The following C9orf72 variants were observed in gnomAD, a reference collection of about 807,000 sequenced individuals.
The protein encoded by C9orf72 is C9orf72-SMCR8 complex subunit, also known as guanine nucleotide exchange factor C9orf72.
A neutral mutation model predicts 51.6 loss-of-function variants in C9orf72; 44 were observed. The ratio of observed to expected loss-of-function variants is 0.85; its 90% confidence interval spans 0.67 to 1.10. C9orf72 has a LOEUF of 1.10. Ranked by LOEUF, C9orf72 falls within the 50% of genes least tolerant of loss-of-function variation. The probability of loss-of-function intolerance (pLI) is 0.00; values close to 1 mark genes in which losing one functional copy is unlikely to be tolerated. For missense variants in C9orf72, 607 were observed against 570.6 expected (o/e 1.06, Z -0.65); for synonymous variants, 213 against 194.2 (o/e 1.10, Z -0.81).
At position 27,566,711 on chromosome 9, in the gene C9orf72, T is replaced by G. The variant is rs753158467; in HGVS notation, c.410A>C (p.His137Pro). Residue 137 changes from histidine (H) to proline (P), a missense_variant, in exon 2 of 11, where the codon CAT becomes CCT. Transcript: ENST00000380003. The part of the protein sequence containing the change: ...LHRVCVDRLT[H>P]IIRKGRIWMH... ...CCATATTCTTCCTTTCCGGATTATA[T>G]GTGTTAATCTATCAACACACACTCT... 1 of 1,609,864 alleles carries G rather than the reference T, an allele frequency of 6.2e-7. No homozygotes were observed. Among genetic ancestry groups the G allele is most frequent in the Admixed American group, 1.7e-5 (1 of 59,498 alleles).
At chr9:27,565,656 T>C (rs1057447449) in intron 2 of C9orf72, 66 bp from the exon 3 acceptor site, 28 of 995,892 alleles carry the variant, frequency 2.8e-5, no homozygotes, top group African/African-American at 3.2e-5. Flanking sequence ...TATTTTTCAA[T>C]AGACATGTTC....
intron 5 of C9orf72, chr9:27,561,355 G>C: frequency 1.6e-6 from 2 of 1,276,962 alleles, no homozygotes; most frequent in Non-Finnish European, 2.0e-6. Context: ...ATGATTTCTT[G>C]TCTGGGATGG....
intron 9 of C9orf72, among the ~76,000 whole-genome samples, chr9:27,548,993 C>T (rs1376792934): frequency 3.3e-5 from 5 of 151,950 alleles, no homozygotes; most frequent in Non-Finnish European, 5.9e-5. Flanking sequence ...TACAGGCACA[C>T]GCTGCCACGC....
At chr9:27,562,575 T>C (rs1053453860) in intron 3 of C9orf72, 99 bp from the exon 4 acceptor site, 2 of 516,990 alleles carry the variant, frequency 3.9e-6, no homozygotes, top group African/African-American at 3.9e-5. Context: ...CATTCTTTGA[T>C]GAAAATACTT....
chr9:27,560,721 C>T, intron 5 of C9orf72: 4 of 986,434 alleles, frequency 4.1e-6, no homozygotes, highest in Non-Finnish European at 4.8e-6. Context: ...AGGTTAAACA[C>T]ACTCATGCCT....
chr9:27,566,658 A>T lies in C9orf72; in HGVS notation c.444+19T>A. ...CAACAGATAGGTTAACATGATTAAT[A>T]AGCTGAAAAATCACTTACCTTATGC... On this transcript the variant is annotated intron_variant, in intron 2 of 10. Coordinates refer to ENST00000380003, the MANE Select transcript of C9orf72 (RefSeq NM_018325.5). 3.9e-6 allele frequency: 6 copies of T among 1,532,212 alleles called. No homozygotes were observed. The highest frequency in any genetic ancestry group is 5.3e-6 in the Non-Finnish European group (6 of 1,128,342). 94.9% of individuals were successfully genotyped at this position (1,532,212 alleles called of 1,614,324 possible).
chr9:27,566,970 G>A lies in C9orf72; in HGVS notation c.151C>T (p.Gln51Ter), dbSNP rs1169929002. The change falls in exon 2 of 11, where the codon CAG becomes TAG. Residue 51 changes from glutamine (Q) to a stop codon, truncating the protein, a stop_gained. Coordinates refer to ENST00000380003, the MANE Select transcript of C9orf72 (RefSeq NM_018325.5). LOFTEE classifies it high-confidence loss of function. ...ATTTCTCCATCACTGAGAAGTACCT[G>A]TTCTGTCTTTGGAGCCCAAATGTGC... is the stretch of plus-strand genomic sequence containing the variant. ...VRHIWAPKTE[Q>*]VLLSDGEITF... 2 of 1,614,118 alleles carry A rather than the reference G, an allele frequency of 1.2e-6. No homozygotes were observed. The highest frequency in any genetic ancestry group is 4.5e-5 in the East Asian group (2 of 44,882).
intron 1 of C9orf72, among the ~76,000 whole-genome samples, chr9:27,570,478 G>A (rs1191287575): frequency 1.3e-5 from 2 of 152,066 alleles, no homozygotes; most frequent in Non-Finnish European, 2.9e-5. Flanking sequence ...GAACCCTGGA[G>A]CAAAATCTGA....
chr9:27,560,257 T>C lies in C9orf72; in HGVS notation c.708A>G (p.Val236=), dbSNP rs764644027. 5 of 1,610,282 alleles carry C rather than the reference T, an allele frequency of 3.1e-6. No homozygotes were observed. Among genetic ancestry groups the C allele is most frequent in the Non-Finnish European group, 3.4e-6 (4 of 1,177,912 alleles). Residue 236 remains valine (V), a synonymous_variant, in exon 6 of 11, where the codon GTA becomes GTG. Coordinates refer to ENST00000380003, the MANE Select transcript of C9orf72 (RefSeq NM_018325.5). ...TTACTTTCTCTGCACTGCTACCTAC[T>C]ACAACGGAACAGCCACAGGTTTGCA... ...SHLQTCGCSV[V]VGSSAEKVNK... is the part of the protein sequence containing the mutation.
At chr9:27,554,862 A>C (rs370456322) in intron 8 of C9orf72, among the ~76,000 whole-genome samples, 1 of 152,228 alleles carries the variant, frequency 6.6e-6, no homozygotes. Flanking sequence ...GCAAAATTTA[A>C]AAATTCAGGA....
intron 3 of C9orf72, among the ~76,000 whole-genome samples, chr9:27,565,191 T>C (rs1315137924): frequency 1.3e-5 from 2 of 151,988 alleles, no homozygotes; most frequent in Non-Finnish European, 2.9e-5. Context: ...CAGCTACTTC[T>C]AGGGAAAGGT....
rs1054610975 is a variant in C9orf72, at chr9:27,557,985, T to G, written c.855+506A>C. 4.0e-5 allele frequency among the ~76,000 whole-genome samples: 6 copies of G among 151,152 alleles called. No homozygotes were observed. In the East Asian group the frequency reaches 1.2e-3, roughly 29 times the overall value. On this transcript the variant is annotated intron_variant, in intron 7 of 10. Coordinates refer to ENST00000380003, the MANE Select transcript of C9orf72 (RefSeq NM_018325.5). Reference sequence around the variant, plus strand: ...TCTTCCCTTTAAGTATTATAAATAATTGCTAATTTACATTTCTCTGTTTTG... The same window carrying G: ...TCTTCCCTTTAAGTATTATAAATAAGTGCTAATTTACATTTCTCTGTTTTG...
At chr9:27,550,367 T>C (rs924501824) in intron 9 of C9orf72, among the ~76,000 whole-genome samples, 1 of 152,070 alleles carries the variant, frequency 6.6e-6, no homozygotes, top group African/African-American at 2.4e-5. Context: ...CTTATTATTA[T>C]ATCTTTAAAA....
At chr9:27,550,529 G>C in intron 9 of C9orf72, 121 bp downstream of exon 9, 5 of 561,380 alleles carry the variant, frequency 8.9e-6, no homozygotes, top group Non-Finnish European at 1.6e-5. Context: ...TGCAATTGCT[G>C]AGCAGAACTC....
chr9:27,571,320 TA>T (rs1441894987), intron 1 of C9orf72: 4 of 152,230 alleles, frequency 2.6e-5, no homozygotes, highest in African/African-American at 9.6e-5. Flanking sequence ...CTAAAACTGT[TA>T]GTAGAGTGCT....
chr9:27,563,960 C>G (rs562269055), intron 3 of C9orf72, among the ~76,000 whole-genome samples: 1 of 151,956 alleles, frequency 6.6e-6, no homozygotes, highest in Non-Finnish European at 1.5e-5. Context: ...TGCATCATCC[C>G]CAAACAGTAT....
At position 27,550,727 on chromosome 9, in the gene C9orf72, G is replaced by T; in HGVS notation, c.1092-20C>A. On this transcript the variant is annotated intron_variant, in intron 8 of 10. Transcript: ENST00000380003. ...ATATTCCTGAAGAAAAGAAGAAAATGAAGAAAAGAAAAAAGTTCAAATGTT... is the reference window on the plus strand; with the variant it reads ...ATATTCCTGAAGAAAAGAAGAAAATTAAGAAAAGAAAAAAGTTCAAATGTT... 1.3e-6 allele frequency: 2 copies of T among 1,498,884 alleles called. No individual in the cohort carries two copies. Among genetic ancestry groups the T allele is most frequent in the Non-Finnish European group, 1.8e-6 (2 of 1,094,458 alleles). 92.8% of individuals were successfully genotyped at this position (1,498,884 alleles called of 1,614,324 possible). A position where few individuals can be genotyped will look rare whatever the true frequency, so the allele number is the denominator to read the frequency against.
chr9:27,573,258 G>A (rs1355475449), intron 1 of C9orf72, among the ~76,000 whole-genome samples, 173 bp downstream of exon 1: 2 of 151,730 alleles, frequency 1.3e-5, no homozygotes, highest in African/African-American at 4.9e-5. Context: ...CCGGATGCAG[G>A]CAATTCCACC....
In C9orf72 at chr9:27,548,244, T is replaced by C; in HGVS notation, c.1438A>G (p.Thr480Ala). 6.2e-7 allele frequency: 1 copy of C among 1,605,766 alleles called. No homozygotes were observed. The highest frequency in any genetic ancestry group is 1.1e-5 in the South Asian group (1 of 89,810). The change falls in exon 11 of 11, where the codon ACT (threonine) becomes GCT (alanine). Residue 480 changes from threonine to alanine, a missense_variant. Physicochemically the swap from Thr to Ala is moderately conservative, Grantham distance 58 (BLOSUM62 0). Transcript: ENST00000380003. ...TSVQERDVLM[T>A]F ...CTTATTAAGTTACACATTTAAAAAGTCATTAGAACATCTCGTTCTTGCACA... is the reference window on the plus strand; with the variant it reads ...CTTATTAAGTTACACATTTAAAAAGCCATTAGAACATCTCGTTCTTGCACA...
Sources: allele counts gnomAD v4.1 joint callset (sites outside exome capture counted in the v4.1 genomes callset), GRCh38; gene constraint gnomAD v4.1.1; transcripts MANE v1.5; gene names NCBI Gene and HGNC (gene_info 2026-07-23, HGNC 2026-07-21).